Variants in PLEKHA7 observed in about 807,000 individuals in gnomAD.
The protein encoded by PLEKHA7 is pleckstrin homology domain containing A7.
PLEKHA7 carries 104 observed loss-of-function variants against 170.0 expected under a neutral mutation model. The ratio of observed to expected loss-of-function variants is 0.61; its 90% CI spans 0.52 to 0.72. The LOEUF is 0.72. Ranked by LOEUF, PLEKHA7 falls within the 30% of genes least tolerant of loss-of-function variation. The pLI is 0.00. For synonymous variants in PLEKHA7, 648 were observed against 660.8 expected (o/e 0.98, Z 0.30); for missense variants, 1,615 against 1,671.7 (o/e 0.97, Z 0.59).
intron 13 of PLEKHA7, among the ~76,000 whole-genome samples, chr11:16,810,826 T>C (rs2134578283): frequency 6.6e-6 from 1 of 152,304 alleles, no homozygotes; most frequent in South Asian, 2.1e-4. Flanking sequence ...GGCAAGGTGA[T>C]GAAGGGCTTT....
intron 3 of PLEKHA7, among the ~76,000 whole-genome samples, chr11:16,998,430 G>A (rs1470071549): frequency 1.3e-5 from 2 of 152,174 alleles, no homozygotes; most frequent in Non-Finnish European, 2.9e-5. Flanking sequence ...TTCTTACATC[G>A]TATGTCACTA....
chr11:16,880,298 C>A (rs1010886640), intron 3 of PLEKHA7, among the ~76,000 whole-genome samples: 10 of 152,222 alleles, frequency 6.6e-5, no homozygotes, highest in African/African-American at 2.2e-4. Context: ...ATTCAAATCC[C>A]AGCTCTGCCA....
chr11:16,865,365 T>C (rs1854299842), intron 4 of PLEKHA7, among the ~76,000 whole-genome samples: 1 of 152,228 alleles, frequency 6.6e-6, no homozygotes, highest in Non-Finnish European at 1.5e-5. Flanking sequence ...CATTGACTGA[T>C]GCCTAGTCCC....
At chr11:16,925,915 G>A (rs1859499353) in intron 3 of PLEKHA7, among the ~76,000 whole-genome samples, 1 of 152,234 alleles carries the variant, frequency 6.6e-6, no homozygotes, top group East Asian at 1.9e-4. Flanking sequence ...AGGCTGAGGA[G>A]GGGGAGGGAA....
intron 3 of PLEKHA7, among the ~76,000 whole-genome samples, chr11:16,945,841 G>A (rs530682500): frequency 4.7e-4 from 72 of 152,308 alleles, no homozygotes; most frequent in South Asian, 3.5e-3. Context: ...AAGTGGGCCC[G>A]CTAGGGACCT....
chr11:16,825,011 G>T (rs1267637972), intron 10 of PLEKHA7, among the ~76,000 whole-genome samples: 1 of 152,216 alleles, frequency 6.6e-6, no homozygotes, highest in Admixed American at 6.5e-5. Context: ...TCTCAGTTGG[G>T]AATGGGAAGG....
intron 15 of PLEKHA7, 106 bp downstream of exon 15, chr11:16,802,866 A>G: frequency 1.0e-6 from 1 of 993,320 alleles, no homozygotes; most frequent in South Asian, 1.4e-5. Flanking sequence ...TAAATAAGCT[A>G]ACATCTGCTC....
intron 13 of PLEKHA7, among the ~76,000 whole-genome samples, chr11:16,808,975 C>A (rs186609427): frequency 8.5e-5 from 13 of 152,196 alleles, no homozygotes; most frequent in Non-Finnish European, 2.9e-5. Context: ...CACCTGGGTT[C>A]CTGGTTATAA....
intron 3 of PLEKHA7, among the ~76,000 whole-genome samples, chr11:16,960,382 T>A (rs1216605138): frequency 6.6e-6 from 1 of 152,194 alleles, no homozygotes; most frequent in African/African-American, 2.4e-5. Flanking sequence ...ATAAGCCATC[T>A]AGATTCCAAA....
In PLEKHA7 at chr11:16,826,109, C is replaced by G. The variant is rs748698579; in HGVS notation, c.1343+11G>C. 1 of 1,609,960 alleles carries G rather than the reference C, an allele frequency of 6.2e-7. No homozygotes were observed. The highest frequency in any genetic ancestry group is 1.1e-5 in the South Asian group (1 of 90,768). On this transcript the variant is annotated intron_variant, in intron 10 of 26. Transcript: ENST00000531066. ...CTCGTTATAAGCAGCGATCCTGAGT[C>G]TATTACTCACCTCCTGCTATCCCCT...
chr11:16,883,989 TTATATA>T (rs966162396), intron 3 of PLEKHA7, among the ~76,000 whole-genome samples: 1 of 149,098 alleles, frequency 6.7e-6, no homozygotes, highest in Non-Finnish European at 1.5e-5. Flanking sequence ...ACTTAAAATT[TTATATA>T]TATATCTTTT....
chr11:16,791,325 C>T lies in PLEKHA7; in HGVS notation c.2746-126G>A, dbSNP rs1411848283. 7 of 921,364 alleles carry T rather than the reference C, an allele frequency of 7.6e-6. No individual in the cohort carries two copies. Among genetic ancestry groups the T allele is most frequent in the African/African-American group, 1.7e-5 (1 of 59,586 alleles). The allele number at this position is 921,364 out of a possible 1,614,324, so 57.1% of individuals were successfully genotyped here. ...ACATCAGAGCCACAGAACATGACTG[C>T]CTCAGCCAAGGAGCACTCACACTTC... On this transcript the variant is annotated intron_variant, in intron 19 of 26. Coordinates refer to ENST00000531066, the MANE Select transcript of PLEKHA7 (RefSeq NM_001329630.2). The surrounding 1 kb of genome is among the most constrained non-coding windows in gnomAD (Gnocchi z 4.5).
At chr11:16,970,229 G>A (rs1302086143) in intron 3 of PLEKHA7, among the ~76,000 whole-genome samples, 1 of 152,168 alleles carries the variant, frequency 6.6e-6, no homozygotes, top group Non-Finnish European at 1.5e-5. Flanking sequence ...CTGGATTAAA[G>A]CAATTCCCTT....
Position 16,826,227 on chromosome 11 carries a change from G to A in PLEKHA7, c.1236C>T (p.Tyr412=). Reference sequence around the variant, plus strand: ...TGGTCCTGGGAGGAAAGGCCCGCTGGTACCCACCAGTCCCATTCTGTTCTC... The same window carrying A: ...TGGTCCTGGGAGGAAAGGCCCGCTGATACCCACCAGTCCCATTCTGTTCTC... ...GPGEQNGTGG[Y]QRAFPPRTNP... The change falls in exon 10 of 27, where the codon TAC becomes TAT. Residue 412 remains tyrosine (Y), a synonymous_variant. Transcript: ENST00000531066. 2 of 1,614,210 alleles carry A rather than the reference G, an allele frequency of 1.2e-6. No individual in the cohort carries two copies. The highest frequency in any genetic ancestry group is 1.7e-6 in the Non-Finnish European group (2 of 1,180,030).
chr11:16,824,455 C>G (rs1850478290), intron 10 of PLEKHA7, among the ~76,000 whole-genome samples: 1 of 152,128 alleles, frequency 6.6e-6, no homozygotes, highest in Non-Finnish European at 1.5e-5. Context: ...ATGGACACCC[C>G]AGTTACCCTG....
chr11:16,829,480 G>A (rs1193312831), intron 9 of PLEKHA7, among the ~76,000 whole-genome samples: 3 of 152,152 alleles, frequency 2.0e-5, no homozygotes, highest in African/African-American at 4.8e-5. Context: ...AGGAAAATAC[G>A]GGAAATATTC....
intron 3 of PLEKHA7, among the ~76,000 whole-genome samples, chr11:16,979,732 T>C (rs1459731209): frequency 2.0e-5 from 3 of 152,160 alleles, no homozygotes; most frequent in African/African-American, 7.2e-5. Context: ...AAAAGACATA[T>C]TTCCTCCTTC....
chr11:16,781,388 G>A (rs1030806266), intron 26 of PLEKHA7, among the ~76,000 whole-genome samples: 6 of 152,176 alleles, frequency 3.9e-5, no homozygotes, highest in Non-Finnish European at 7.3e-5. Context: ...TAAGGAGGCC[G>A]AGGATGGCAG....
intron 3 of PLEKHA7, among the ~76,000 whole-genome samples, chr11:16,994,098 T>G (rs983376203): frequency 5.9e-5 from 9 of 152,214 alleles, no homozygotes; most frequent in African/African-American, 2.2e-4. Context: ...TCTTTCCCTA[T>G]GGCCCCTACA....
Sources: allele counts gnomAD v4.1 joint callset (sites outside exome capture counted in the v4.1 genomes callset), GRCh38; gene constraint gnomAD v4.1.1; non-coding constraint Gnocchi (gnomAD v3.1); transcripts MANE v1.5; gene names NCBI Gene and HGNC (gene_info 2026-07-23, HGNC 2026-07-21).